IQCM: variants seen among roughly 807,000 people sequenced by gnomAD.
IQCM encodes the protein IQ motif containing M, also known as IQ domain-containing protein M.
IQCM carries 45 observed loss-of-function variants against 57.6 expected under a neutral mutation model. The ratio of observed to expected loss-of-function variants is 0.78; its 90% confidence interval spans 0.62 to 1.00. IQCM has a LOEUF of 1.00. Ranked by LOEUF, IQCM falls within the 50% of genes least tolerant of loss-of-function variation. The probability of loss-of-function intolerance (pLI) is 0.00; values close to 1 mark genes in which losing one functional copy is unlikely to be tolerated. For synonymous variants in IQCM, 148 were observed against 158.9 expected, an observed-to-expected ratio of 0.93 and a Z score of 0.51; for missense variants, 468 against 511.6, an observed-to-expected ratio of 0.91 and a Z score of 0.82.
At chr4:149,742,828 A>G (rs576562055) in intron 2 of IQCM, 89 bp from the exon 3 acceptor site, 103 of 538,074 alleles carry the variant, frequency 1.9e-4, no homozygotes, top group African/African-American at 1.9e-3. Flanking sequence ...AATAGGGTGA[A>G]TGATTAAAAC....
At chr4:149,483,848 T>C (rs1448940347) in intron 12 of IQCM, among the ~76,000 whole-genome samples, 1 of 151,986 alleles carries the variant, frequency 6.6e-6, no homozygotes, top group African/African-American at 2.4e-5. Context: ...GTGAGATCTA[T>C]CCAGTGCTGA....
chr4:149,502,607 G>A lies in IQCM; in HGVS notation c.1228+45848C>T, dbSNP rs537735689. Among the ~76,000 whole-genome samples, 4 of 152,272 alleles carry A rather than the reference G, an allele frequency of 2.6e-5. No individual in the cohort carries two copies. In the South Asian group the frequency reaches 8.3e-4, roughly 32 times the overall value. On this transcript the variant is annotated intron_variant, in intron 12 of 13. Transcript: ENST00000636793. ...GAGGATCACCTGAGCCCTAGAGGTC[G>A]AGGCTGCAGTGAGCCATGCTCACGC...
intron 12 of IQCM, among the ~76,000 whole-genome samples, chr4:149,477,151 T>C (rs1369716422): frequency 6.6e-6 from 1 of 152,190 alleles, no homozygotes; most frequent in African/African-American, 2.4e-5. Flanking sequence ...TTTTGTGAAA[T>C]ATGGCTGAAT....
chr4:149,788,282 T>A (rs976963780), intron 2 of IQCM, among the ~76,000 whole-genome samples: 1 of 152,072 alleles, frequency 6.6e-6, no homozygotes, highest in Non-Finnish European at 1.5e-5. Context: ...TGCAGTGAGC[T>A]GAGATTGCAC....
At chr4:149,660,572 G>A (rs1286152767) in intron 7 of IQCM, among the ~76,000 whole-genome samples, 1 of 152,106 alleles carries the variant, frequency 6.6e-6, no homozygotes, top group Non-Finnish European at 1.5e-5. Flanking sequence ...GCAAAGTCTT[G>A]GAACCAACCC....
intron 13 of IQCM, among the ~76,000 whole-genome samples, chr4:149,355,787 T>C (rs1728930721): frequency 6.6e-6 from 1 of 152,118 alleles, no homozygotes; most frequent in South Asian, 2.1e-4. Flanking sequence ...TCAAATGGTA[T>C]TTCTAGTTCT....
At chr4:149,515,013 T>C (rs1351386919) in intron 12 of IQCM, among the ~76,000 whole-genome samples, 1 of 151,990 alleles carries the variant, frequency 6.6e-6, no homozygotes, top group Non-Finnish European at 1.5e-5. Flanking sequence ...GATGGCCTAT[T>C]GTGGGACCTT....
intron 9 of IQCM, among the ~76,000 whole-genome samples, chr4:149,582,339 T>C (rs1296594161): frequency 1.1e-4 from 5 of 47,098 alleles, no homozygotes; most frequent in Non-Finnish European, 2.3e-4. Flanking sequence ...TATATATATA[T>C]ATATATATAT....
rs370102396 is a variant in IQCM, at chr4:149,714,495, T to C, written c.385+18749A>G. Among the ~76,000 whole-genome samples, 11 of 152,276 alleles carry C rather than the reference T, an allele frequency of 7.2e-5. No homozygotes were observed. The East Asian group carries it at 1.3e-3, about 19-fold the overall frequency. ...TCTATTCAATATCTCCATCTAGATA[T>C]CTAACAAACATTTCAGACTTTATAT... On this transcript the variant is annotated intron_variant, in intron 5 of 13. Transcript: ENST00000636793.
chr4:149,602,017 G>GCAGTC (rs1754345679), intron 8 of IQCM, among the ~76,000 whole-genome samples: 1 of 142,984 alleles, frequency 7.0e-6, no homozygotes, highest in African/African-American at 2.6e-5. Flanking sequence ...TTGTGCCACT[G>GCAGTC]CGCTCCAGCC....
intron 13 of IQCM, among the ~76,000 whole-genome samples, chr4:149,381,540 C>T (rs1210924041): frequency 2.0e-5 from 3 of 152,210 alleles, no homozygotes; most frequent in African/African-American, 4.8e-5. Context: ...GGCCCTTTGC[C>T]TTTGCTGTTC....
chr4:149,784,381 TTAGATCC>T (rs1771886039), intron 2 of IQCM, among the ~76,000 whole-genome samples: 1 of 152,184 alleles, frequency 6.6e-6, no homozygotes, highest in Non-Finnish European at 1.5e-5. Context: ...CTCACCTTCT[TTAGATCC>T]TTAGTCAAAG....
chr4:149,657,277 T>C (rs1292878088), intron 7 of IQCM, among the ~76,000 whole-genome samples: 1 of 152,344 alleles, frequency 6.6e-6, no homozygotes, highest in East Asian at 1.9e-4. Flanking sequence ...ATTTGTCTTT[T>C]TGGGTCTGGC....
chr4:149,738,568 C>T (rs1314974521), intron 3 of IQCM, among the ~76,000 whole-genome samples: 1 of 152,134 alleles, frequency 6.6e-6, no homozygotes, highest in Non-Finnish European at 1.5e-5. Flanking sequence ...GAAAGCAGAT[C>T]TTGACATATC....
chr4:149,398,716 A>AT (rs1052621105), intron 13 of IQCM, among the ~76,000 whole-genome samples: 3 of 151,296 alleles, frequency 2.0e-5, no homozygotes, highest in Admixed American at 1.3e-4. Flanking sequence ...CTTTATTATT[A>AT]TTTTTTTTGA....
intron 12 of IQCM, among the ~76,000 whole-genome samples, chr4:149,467,732 G>C (rs956802078): frequency 1.3e-5 from 2 of 152,190 alleles, no homozygotes; most frequent in Admixed American, 6.5e-5. Context: ...GATAGGAGCT[G>C]TGGGTTTTAG....
At chr4:149,428,728 G>A (rs1004605174) in intron 13 of IQCM, among the ~76,000 whole-genome samples, 9 of 151,942 alleles carry the variant, frequency 5.9e-5, no homozygotes, top group African/African-American at 1.4e-4. Flanking sequence ...ACTAAAGACA[G>A]TGAAGCAAAC....
At chr4:149,440,348 G>A (rs1274146763) in intron 12 of IQCM, among the ~76,000 whole-genome samples, 2 of 151,690 alleles carry the variant, frequency 1.3e-5, no homozygotes, top group African/African-American at 4.8e-5. Context: ...CATCATTTTG[G>A]TTATTTTTCT....
intron 13 of IQCM, among the ~76,000 whole-genome samples, chr4:149,388,809 C>T (rs1403506253): frequency 6.8e-6 from 1 of 147,212 alleles, no homozygotes; most frequent in African/African-American, 2.5e-5. Context: ...AGAGAAAGGA[C>T]TATCCTCATT....
Sources: gnomAD v4.1 joint callset for allele counts (sites outside exome capture counted in the v4.1 genomes callset) on GRCh38, gnomAD v4.1.1 for gene constraint, MANE v1.5 for transcripts, NCBI Gene and HGNC (gene_info 2026-07-23, HGNC 2026-07-21) for gene names.